The following CHD9 variants were observed in gnomAD, a reference collection of about 807,000 sequenced individuals.
CHD9 encodes chromodomain helicase DNA binding protein 9, also known as ATP-dependent chromatin remodeler CHD9.
CHD9 carries 77 observed loss-of-function variants against 316.1 expected under a neutral mutation model. That is an observed-to-expected ratio of 0.24 (90% CI 0.20 to 0.29). CHD9 has a LOEUF of 0.29. Ranked by LOEUF, CHD9 falls within the 10% of genes least tolerant of loss-of-function variation. CHD9 has a pLI of 1.00. For missense variants in CHD9, 2,763 were observed against 3,438.1 expected (o/e 0.80, Z 4.91); for synonymous variants, 1,129 against 1,158.3 (o/e 0.97, Z 0.51).
intron 1 of CHD9, among the ~76,000 whole-genome samples, chr16:53,145,097 AT>A (rs2040461802): frequency 6.6e-6 from 1 of 151,882 alleles, no homozygotes; most frequent in Non-Finnish European, 1.5e-5. Context: ...TTCAGAATAC[AT>A]TGGTTAGAAG....
chr16:53,119,676 T>A (rs2038590218), intron 1 of CHD9, among the ~76,000 whole-genome samples: 1 of 151,956 alleles, frequency 6.6e-6, no homozygotes, highest in South Asian at 2.1e-4. Context: ...CTACTAAATA[T>A]AAAAAATTAG....
chr16:53,126,605 T>TTTTA (rs2038977014), intron 1 of CHD9, among the ~76,000 whole-genome samples: 1 of 144,860 alleles, frequency 6.9e-6, no homozygotes, highest in African/African-American at 2.5e-5. Flanking sequence ...TTTTTTTTTT[T>TTTTA]GAGATAGGGT....
chr16:53,257,769 T>C (rs1460947724), intron 19 of CHD9, among the ~76,000 whole-genome samples: 1 of 152,040 alleles, frequency 6.6e-6, no homozygotes, highest in Non-Finnish European at 1.5e-5. Flanking sequence ...AAAAAGTAGT[T>C]CCTTTTGTTT....
intron 1 of CHD9, among the ~76,000 whole-genome samples, chr16:53,075,890 A>C (rs900555855): frequency 2.0e-5 from 3 of 152,068 alleles, no homozygotes; most frequent in Non-Finnish European, 4.4e-5. Flanking sequence ...GCAGTGCACA[A>C]GGATTCCCAT....
intron 1 of CHD9, among the ~76,000 whole-genome samples, chr16:53,148,197 ACT>A (rs2040796658): frequency 2.0e-5 from 3 of 151,888 alleles, no homozygotes; most frequent in African/African-American, 7.3e-5. Flanking sequence ...TCAGAGTGAG[ACT>A]CTGCCTCCAA....
chr16:53,204,331 T>C (rs1275136409), intron 2 of CHD9, among the ~76,000 whole-genome samples: 4 of 152,116 alleles, frequency 2.6e-5, no homozygotes, highest in Non-Finnish European at 4.4e-5. Context: ...TTTCCCAATA[T>C]GGCTGTTGGT....
At chr16:53,223,643 G>A (rs1412182541) in intron 4 of CHD9, 1 of 152,128 alleles carries the variant, frequency 6.6e-6, no homozygotes, top group Non-Finnish European at 1.5e-5. Context: ...GAATAATGCT[G>A]GCCATTTTTC....
intron 2 of CHD9, among the ~76,000 whole-genome samples, chr16:53,170,563 A>G (rs1173323474): frequency 6.9e-6 from 1 of 144,300 alleles, no homozygotes; most frequent in East Asian, 2.1e-4. Context: ...GTGCAGTACT[A>G]GTATTTTGTA....
intron 1 of CHD9, among the ~76,000 whole-genome samples, chr16:53,056,848 A>C (rs1183230351): frequency 6.6e-6 from 1 of 152,232 alleles, no homozygotes; most frequent in Admixed American, 6.5e-5. Context: ...AGTGCAGTAG[A>C]TTCTCATTAT....
In CHD9 at chr16:53,084,133, C is replaced by G. The variant is rs1033965171; in HGVS notation, c.-165+29056C>G. 2.6e-5 allele frequency among the ~76,000 whole-genome samples: 4 copies of G among 152,190 alleles called. No homozygotes were observed. In the South Asian group the frequency reaches 8.3e-4, roughly 32 times the overall value. ...GTCTTGACTCCTGGTTTCAAGCAATCCTCTTGCCTTGGGCTCCCAAACTGC... is the reference window on the plus strand; with the variant it reads ...GTCTTGACTCCTGGTTTCAAGCAATGCTCTTGCCTTGGGCTCCCAAACTGC... On this transcript the variant is annotated intron_variant, in intron 1 of 38. Transcript: ENST00000447540.
intron 24 of CHD9, among the ~76,000 whole-genome samples, chr16:53,281,865 T>C (rs2053450741): frequency 6.6e-6 from 1 of 152,220 alleles, no homozygotes. Context: ...CAACCTCAGC[T>C]TAAGTAGCCC....
chr16:53,235,007 C>T (rs1162294858), intron 10 of CHD9, 178 bp from the exon 11 acceptor site: 2 of 436,670 alleles, frequency 4.6e-6, no homozygotes, highest in East Asian at 3.6e-5. Context: ...ATACCTTCCT[C>T]TTCAGTTTTC....
intron 13 of CHD9, among the ~76,000 whole-genome samples, chr16:53,243,918 G>A (rs2049326417): frequency 6.6e-6 from 1 of 152,012 alleles, no homozygotes; most frequent in Non-Finnish European, 1.5e-5. Flanking sequence ...AAAACTTAAA[G>A]TTTTCCTTTT....
chr16:53,318,926 A>G (rs945201218), intron 37 of CHD9, among the ~76,000 whole-genome samples: 3 of 152,220 alleles, frequency 2.0e-5, no homozygotes, highest in Non-Finnish European at 2.9e-5. Flanking sequence ...TATCAAAATC[A>G]TCATATTACA....
At chr16:53,142,079 T>G (rs539705552) in intron 1 of CHD9, among the ~76,000 whole-genome samples, 4 of 152,196 alleles carry the variant, frequency 2.6e-5, no homozygotes, top group Non-Finnish European at 5.9e-5. Flanking sequence ...TATCATAAAA[T>G]ATGATATTGT....
At chr16:53,312,030 A>C (rs2056513626) in intron 34 of CHD9, 1 of 152,216 alleles carries the variant, frequency 6.6e-6, no homozygotes, top group South Asian at 2.1e-4. Context: ...ATGAATTGCT[A>C]ATGTTTATTA....
chr16:53,270,867 A>C (rs1231362212), intron 22 of CHD9, among the ~76,000 whole-genome samples: 1 of 152,172 alleles, frequency 6.6e-6, no homozygotes, highest in Non-Finnish European at 1.5e-5. Context: ...TAAGGATAGA[A>C]GCTTTCATTC....
At chr16:53,264,241 T>A (rs931995370) in intron 20 of CHD9, among the ~76,000 whole-genome samples, 8 of 152,020 alleles carry the variant, frequency 5.3e-5, no homozygotes, top group Non-Finnish European at 7.4e-5. Context: ...CTAGAAAAAA[T>A]AATTTTAAAT....
chr16:53,130,454 C>G (rs2039175549), intron 1 of CHD9, among the ~76,000 whole-genome samples: 1 of 151,088 alleles, frequency 6.6e-6, no homozygotes, highest in Non-Finnish European at 1.5e-5. Flanking sequence ...GCGTGCCCTG[C>G]CGGGGCCTGA....
Sources: gnomAD v4.1 joint callset for allele counts (sites outside exome capture counted in the v4.1 genomes callset) on GRCh38, gnomAD v4.1.1 for gene constraint, MANE v1.5 for transcripts, NCBI Gene and HGNC (gene_info 2026-07-23, HGNC 2026-07-21) for gene names.